Variants in NRG3 observed in about 807,000 individuals in gnomAD.
The protein encoded by NRG3 is neuregulin 3.
NRG3 carries 31 observed loss-of-function variants against 66.9 expected under a neutral mutation model. The ratio of observed to expected loss-of-function variants is 0.46; its 90% CI spans 0.35 to 0.63. The LOEUF (loss-of-function observed/expected upper bound fraction) is 0.63. Among genes scored for constraint, NRG3 ranks in the 20% least tolerant of loss-of-function variants. The probability of loss-of-function intolerance (pLI) is 0.00; values close to 1 mark genes in which losing one functional copy is unlikely to be tolerated. For synonymous variants in NRG3, 393 were observed against 359.4 expected (o/e 1.09, Z -1.06); for missense variants, 910 against 878.9 (o/e 1.04, Z -0.45).
chr10:82,432,533 C>T (rs1437220957), intron 2 of NRG3, among the ~76,000 whole-genome samples: 1 of 149,414 alleles, frequency 6.7e-6, no homozygotes, highest in Non-Finnish European at 1.5e-5. Flanking sequence ...ATGTGCAGAT[C>T]GTGCAGGTTT....
intron 1 of NRG3, among the ~76,000 whole-genome samples, chr10:82,060,706 C>T (rs1320976104): frequency 3.3e-5 from 5 of 152,182 alleles, no homozygotes; most frequent in Non-Finnish European, 7.4e-5. Context: ...GATAATTCAC[C>T]TTGTTCTTTG....
chr10:82,100,562 C>G (rs2066666377), intron 1 of NRG3, among the ~76,000 whole-genome samples: 1 of 151,914 alleles, frequency 6.6e-6, no homozygotes, highest in Non-Finnish European at 1.5e-5. Flanking sequence ...TAAGGAAGTT[C>G]CCATCTATTT....
chr10:81,934,689 A>G lies in NRG3; in HGVS notation c.823+58526A>G, dbSNP rs75399964. ...AAATTTTAAGTAAATTGGGTTTGGAATTGGGATTTGCAATTTTTTGCTATA... is the reference window on the plus strand; with the variant it reads ...AAATTTTAAGTAAATTGGGTTTGGAGTTGGGATTTGCAATTTTTTGCTATA... On this transcript the variant is annotated intron_variant, in intron 1 of 8. Coordinates refer to ENST00000372141, the MANE Select transcript of NRG3 (RefSeq NM_001010848.4). Among the ~76,000 whole-genome samples the G allele has an allele frequency of 6.9e-3, 1,049 of 152,216 alleles. 12 individuals carry two copies. The highest frequency in any genetic ancestry group is 0.024 in the African/African-American group (985 of 41,548).
At chr10:82,018,873 A>G (rs1218461843) in intron 1 of NRG3, among the ~76,000 whole-genome samples, 2 of 152,152 alleles carry the variant, frequency 1.3e-5, no homozygotes, top group African/African-American at 4.8e-5. Flanking sequence ...CAATCATGTC[A>G]TCTGCAAACA....
At chr10:82,170,355 T>C (rs924664317) in intron 1 of NRG3, among the ~76,000 whole-genome samples, 8 of 151,988 alleles carry the variant, frequency 5.3e-5, no homozygotes, top group Non-Finnish European at 1.2e-4. Flanking sequence ...AGATTAGTAG[T>C]TACTTGACTT....
rs568424442 is a variant in NRG3, at chr10:82,391,374, T to C, written c.953+32506T>C. ...GGGTTAAGGGAACCTGGAAAAACCT[T>C]TGAAAAGTAAATTATCAGTTTAGAA... On this transcript the variant is annotated intron_variant, in intron 2 of 8. Transcript: ENST00000372141. 5.3e-5 allele frequency among the ~76,000 whole-genome samples: 8 copies of C among 152,284 alleles called. No homozygotes were observed. In the East Asian group the frequency reaches 1.5e-3, roughly 29 times the overall value.
intron 2 of NRG3, among the ~76,000 whole-genome samples, chr10:82,461,714 C>CTTGATGTGTAG (rs60553252): frequency 0.45 from 67,829 of 151,748 alleles, 18,800 homozygotes; most frequent in African/African-American, 0.78. Context: ...TGGCACAGTG[C>CTTGATGTGTAG]TTGATACTTG....
At chr10:81,943,590 G>T (rs1171679246) in intron 1 of NRG3, among the ~76,000 whole-genome samples, 1 of 152,146 alleles carries the variant, frequency 6.6e-6, no homozygotes, top group Non-Finnish European at 1.5e-5. Flanking sequence ...TCTGAAAGGG[G>T]ATCAATGTAA....
rs1554868975 is a variant in NRG3, at chr10:81,963,151, T to TG, written c.823+86989dup. ...TTTTTTTTTTTTTTTTTTTTTTTTTTGAGACGGAGTCTCGCTCTGTCGCCC... is the reference window on the plus strand; with the variant it reads ...TTTTTTTTTTTTTTTTTTTTTTTTTTGGAGACGGAGTCTCGCTCTGTCGCCC... On this transcript the variant is annotated intron_variant, in intron 1 of 8. Coordinates refer to ENST00000372141, the MANE Select transcript of NRG3 (RefSeq NM_001010848.4). 3.0e-4 allele frequency among the ~76,000 whole-genome samples: 41 copies of TG among 135,492 alleles called. 1 individual carries two copies. Among genetic ancestry groups the TG allele is most frequent in the African/African-American group, 8.6e-4 (31 of 35,908 alleles). 88.9% of individuals were successfully genotyped at this position (135,492 alleles called of 152,430 possible).
At chr10:81,945,534 A>G (rs986522704) in intron 1 of NRG3, among the ~76,000 whole-genome samples, 2 of 152,172 alleles carry the variant, frequency 1.3e-5, no homozygotes, top group Non-Finnish European at 2.9e-5. Flanking sequence ...CATAGAACAC[A>G]TAATATCTTT....
At chr10:82,783,731 T>C (rs1336492332) in intron 3 of NRG3, among the ~76,000 whole-genome samples, 2 of 152,120 alleles carry the variant, frequency 1.3e-5, no homozygotes, top group Non-Finnish European at 2.9e-5. Flanking sequence ...TGGAAGAACA[T>C]TCCATGCTCG....
intron 2 of NRG3, among the ~76,000 whole-genome samples, chr10:82,372,615 TGA>T (rs2084957364): frequency 6.6e-6 from 1 of 152,190 alleles, no homozygotes; most frequent in South Asian, 2.1e-4. Context: ...TTATTTATCC[TGA>T]GAGTCTTGCT....
At chr10:82,599,304 G>A (rs1481139867) in intron 2 of NRG3, among the ~76,000 whole-genome samples, 1 of 152,236 alleles carries the variant, frequency 6.6e-6, no homozygotes, top group South Asian at 2.1e-4. Context: ...ATGCAAGTTG[G>A]TGGAACTTGT....
At chr10:82,735,801 T>C (rs1418992650) in intron 2 of NRG3, among the ~76,000 whole-genome samples, 1 of 152,158 alleles carries the variant, frequency 6.6e-6, no homozygotes, top group East Asian at 1.9e-4. Context: ...AAATACCTAA[T>C]GCATGTGAGG....
chr10:82,248,616 C>T (rs1275142936), intron 1 of NRG3, among the ~76,000 whole-genome samples: 5 of 152,116 alleles, frequency 3.3e-5, no homozygotes, highest in Admixed American at 6.6e-5. Context: ...TATGTTACTA[C>T]GTGCAAAAAT....
intron 2 of NRG3, among the ~76,000 whole-genome samples, chr10:82,601,131 T>G (rs1006986962): frequency 3.3e-5 from 5 of 152,214 alleles, no homozygotes; most frequent in African/African-American, 1.2e-4. Flanking sequence ...ATTTTATTCT[T>G]TTTTATGGCT....
intron 1 of NRG3, among the ~76,000 whole-genome samples, chr10:82,240,330 T>C (rs2076953354): frequency 6.6e-6 from 1 of 152,226 alleles, no homozygotes; most frequent in Non-Finnish European, 1.5e-5. Flanking sequence ...AACAGACTTT[T>C]ATTTCTTTTC....
intron 2 of NRG3, among the ~76,000 whole-genome samples, chr10:82,537,475 T>G (rs192020196): frequency 1.3e-5 from 2 of 152,260 alleles, no homozygotes; most frequent in East Asian, 3.9e-4. Context: ...ATCATCCATC[T>G]TAGTAACTGG....
At chr10:82,789,806 A>G (rs898084841) in intron 3 of NRG3, among the ~76,000 whole-genome samples, 1 of 151,956 alleles carries the variant, frequency 6.6e-6, no homozygotes, top group African/African-American at 2.4e-5. Flanking sequence ...ATATATTAAA[A>G]TACCATTTTA....
Sources: allele counts gnomAD v4.1 joint callset (sites outside exome capture counted in the v4.1 genomes callset), GRCh38; gene constraint gnomAD v4.1.1; transcripts MANE v1.5; gene names NCBI Gene and HGNC (gene_info 2026-07-23, HGNC 2026-07-21).